Variants in AGBL1 observed in about 807,000 individuals in gnomAD.
The protein encoded by AGBL1 is cytosolic carboxypeptidase 4.
A neutral mutation model predicts 118.9 loss-of-function variants in AGBL1; 130 were observed. The observed-to-expected ratio is 1.09, with a 90% confidence interval of 0.95 to 1.26. AGBL1 has a LOEUF of 1.26. Among genes scored for constraint, AGBL1 ranks in the 50% most tolerant of loss-of-function variants. AGBL1 has a pLI of 0.00. For synonymous variants in AGBL1, 555 were observed against 478.9 expected (o/e 1.16, Z -2.08); for missense variants, 1,584 against 1,298.1 (o/e 1.22, Z -3.38).
At chr15:86,633,292 A>G (rs753369102) in intron 21 of AGBL1, among the ~76,000 whole-genome samples, 3 of 152,182 alleles carry the variant, frequency 2.0e-5, no homozygotes, top group African/African-American at 4.8e-5. Flanking sequence ...ATTATTACCT[A>G]TATCATTAAG....
intron 6 of AGBL1, among the ~76,000 whole-genome samples, chr15:86,225,907 T>C (rs528460077): frequency 3.3e-5 from 5 of 152,322 alleles, no homozygotes; most frequent in Admixed American, 1.3e-4. Context: ...GCTGTTTCCC[T>C]TTATAGGCTT....
chr15:86,625,954 CCAAGGAGAAAGTTT>C, intron 21 of AGBL1, among the ~76,000 whole-genome samples: 1 of 151,750 alleles, frequency 6.6e-6, no homozygotes, highest in East Asian at 1.9e-4. Context: ...TTGGAAGGCA[CCAAGGAGAAAGTTT>C]CAATTGAGTC....
rs577772736 is a variant in AGBL1, at chr15:86,645,935, G to C, written c.2995-28338G>C. On this transcript the variant is annotated intron_variant, in intron 21 of 22. Coordinates refer to ENST00000614907, the MANE Select transcript of AGBL1 (RefSeq NM_001386094.1). ...ACAAAAGCCTCAAATTCCTCAGCTT[G>C]CTTTTCAGGTTTAAGCTTGACTTCT... Among the ~76,000 whole-genome samples the C allele has an allele frequency of 7.2e-5, 11 of 152,280 alleles. No homozygotes were observed. The South Asian group carries it at 1.7e-3, about 23-fold the overall frequency.
At chr15:86,190,757 G>A (rs185512519) in intron 5 of AGBL1, among the ~76,000 whole-genome samples, 6 of 152,216 alleles carry the variant, frequency 3.9e-5, no homozygotes, top group Admixed American at 1.3e-4. Flanking sequence ...ATAATTTAAC[G>A]ACATTTATGT....
intron 21 of AGBL1, among the ~76,000 whole-genome samples, chr15:86,646,791 C>T (rs926425277): frequency 1.3e-5 from 2 of 152,088 alleles, no homozygotes; most frequent in South Asian, 2.1e-4. Flanking sequence ...GAAAATGGAA[C>T]GATTCTGCCT....
chr15:87,028,279 C>T (rs994352735), intron 24 of AGBL1, among the ~76,000 whole-genome samples: 8 of 151,916 alleles, frequency 5.3e-5, no homozygotes, highest in African/African-American at 1.9e-4. Context: ...TATAATACAA[C>T]TATCATGCAG....
intron 22 of AGBL1, among the ~76,000 whole-genome samples, chr15:86,718,931 A>G (rs2086676401): frequency 6.6e-6 from 1 of 152,150 alleles, no homozygotes; most frequent in African/African-American, 2.4e-5. Context: ...ATTTGATTGG[A>G]ATCCCTGCGT....
intron 23 of AGBL1, among the ~76,000 whole-genome samples, chr15:86,986,916 T>C (rs912825327): frequency 6.6e-6 from 1 of 151,750 alleles, no homozygotes; most frequent in Non-Finnish European, 1.5e-5. Context: ...AAAGGAGATA[T>C]GGGTGGGGTC....
intron 22 of AGBL1, among the ~76,000 whole-genome samples, chr15:86,775,974 A>G (rs1596470749): frequency 6.6e-6 from 1 of 152,182 alleles, no homozygotes; most frequent in Non-Finnish European, 1.5e-5. Context: ...TTCTTTTTCT[A>G]CCTTTGCTAG....
intron 23 of AGBL1, among the ~76,000 whole-genome samples, chr15:86,963,174 G>A (rs929905313): frequency 1.3e-5 from 2 of 151,954 alleles, no homozygotes; most frequent in Non-Finnish European, 2.9e-5. Context: ...CAAAAGCCAT[G>A]GACAACCTGG....
intron 17 of AGBL1, among the ~76,000 whole-genome samples, chr15:86,319,466 C>T (rs2080069353): frequency 6.6e-6 from 1 of 151,998 alleles, no homozygotes; most frequent in South Asian, 2.1e-4. Context: ...TGTGATGTTT[C>T]TGTTCATCCT....
At chr15:86,472,261 C>T (rs2082488940) in intron 18 of AGBL1, among the ~76,000 whole-genome samples, 1 of 152,192 alleles carries the variant, frequency 6.6e-6, no homozygotes, top group Non-Finnish European at 1.5e-5. Context: ...GGATTCATAT[C>T]AGAAAGACAA....
intron 18 of AGBL1, among the ~76,000 whole-genome samples, chr15:86,428,562 T>G (rs2081895210): frequency 6.6e-6 from 1 of 152,218 alleles, no homozygotes; most frequent in Non-Finnish European, 1.5e-5. Flanking sequence ...TCATATGTCT[T>G]TGTTATTTTA....
intron 23 of AGBL1, among the ~76,000 whole-genome samples, chr15:86,947,803 T>C (rs2080840957): frequency 6.6e-6 from 1 of 152,220 alleles, no homozygotes; most frequent in African/African-American, 2.4e-5. Context: ...GTTGTTGTGA[T>C]TAGTATATAA....
chr15:86,170,642 C>A (rs191664551), intron 5 of AGBL1, among the ~76,000 whole-genome samples: 185 of 151,958 alleles, frequency 1.2e-3, no homozygotes, highest in Middle Eastern at 3.4e-3. Flanking sequence ...CTCAGGAGTT[C>A]GAGACCACCC....
At chr15:86,126,782 T>C (rs180882556) in intron 1 of AGBL1, among the ~76,000 whole-genome samples, 145 of 152,360 alleles carry the variant, frequency 9.5e-4, no homozygotes, top group Non-Finnish European at 1.5e-3. Context: ...AACTGCTTCC[T>C]GTTTAGTTGT....
chr15:86,778,765 G>A (rs2078293274), intron 22 of AGBL1, among the ~76,000 whole-genome samples: 1 of 152,096 alleles, frequency 6.6e-6, no homozygotes, highest in Non-Finnish European at 1.5e-5. Flanking sequence ...ACATGGTCCT[G>A]AGGCAACATA....
intron 23 of AGBL1, among the ~76,000 whole-genome samples, chr15:86,962,237 T>C (rs2081000108): frequency 6.6e-6 from 1 of 151,984 alleles, no homozygotes. Flanking sequence ...AAATTGAAAA[T>C]GGGCAATTTC....
intron 18 of AGBL1, among the ~76,000 whole-genome samples, chr15:86,431,052 C>G (rs751795875): frequency 2.0e-5 from 3 of 152,188 alleles, no homozygotes; most frequent in Non-Finnish European, 2.9e-5. Context: ...GGATTAGAAC[C>G]TGGTCTATCT....
Sources: allele counts gnomAD v4.1 joint callset (sites outside exome capture counted in the v4.1 genomes callset), GRCh38; gene constraint gnomAD v4.1.1; transcripts MANE v1.5; gene names NCBI Gene and HGNC (gene_info 2026-07-23, HGNC 2026-07-21).